Variants in SCN1A observed in about 807,000 individuals in gnomAD.
SCN1A encodes sodium channel protein type 1 subunit alpha.
SCN1A carries 13 observed loss-of-function variants against 193.7 expected under a neutral mutation model. That is an observed-to-expected ratio of 0.07 (90% CI 0.04 to 0.11). The LOEUF (loss-of-function observed/expected upper bound fraction) is 0.11. Among genes scored for constraint, SCN1A ranks in the 10% least tolerant of loss-of-function variants. The probability of loss-of-function intolerance (pLI) is 1.00; values close to 1 mark genes in which losing one functional copy is unlikely to be tolerated. For synonymous variants in SCN1A, 781 were observed against 843.6 expected (o/e 0.93, Z 1.29); for missense variants, 1,432 against 2,451.1 (o/e 0.58, Z 8.78).
chr2:166,066,950 C>G (rs1683907087), intron 4 of SCN1A, among the ~76,000 whole-genome samples: 1 of 152,148 alleles, frequency 6.6e-6, no homozygotes, highest in Non-Finnish European at 1.5e-5. Flanking sequence ...CCCAACCTCA[C>G]CTTATTCTCT....
chr2:166,027,558 C>A (rs917396423), intron 19 of SCN1A, among the ~76,000 whole-genome samples: 16 of 150,978 alleles, frequency 1.1e-4, no homozygotes, highest in Admixed American at 6.0e-4. Context: ...TGTGGTCATG[C>A]GATGTCTATA....
In SCN1A at chr2:166,036,227, T is replaced by C; in HGVS notation, c.3250A>G (p.Ser1084Gly). ...ACACTGCTGCCAGTTCCTATACCAC[T>C]TGTAGTTCCATTTACATCTTTAAGA... is the stretch of plus-strand genomic sequence containing the variant. ...DYLKDVNGTT[S>G]GIGTGSSVEK... The change falls in exon 19 of 29, where the codon AGT (serine) becomes GGT (glycine). Residue 1084 changes from serine (S) to glycine (G), a missense_variant. By Grantham distance (56) the Ser-to-Gly change is moderately conservative. This residue lies in a region of SCN1A where 198 missense variants were observed against 225.8 expected (regional missense o/e 0.88). Coordinates refer to ENST00000674923, the MANE Select transcript of SCN1A (RefSeq NM_001165963.4). 2 of 1,613,982 alleles carry C rather than the reference T, an allele frequency of 1.2e-6. No individual in the cohort carries two copies. The highest frequency in any genetic ancestry group is 1.7e-6 in the Non-Finnish European group (2 of 1,179,902).
chr2:166,092,192 T>C (rs1264783703), intron 2 of SCN1A, among the ~76,000 whole-genome samples: 2 of 152,148 alleles, frequency 1.3e-5, no homozygotes, highest in South Asian at 2.1e-4. Flanking sequence ...ATATAGACCA[T>C]TGCATTCATA....
chr2:166,014,075 C>T (rs1692925941), intron 20 of SCN1A, among the ~76,000 whole-genome samples, 177 bp from the exon 21 acceptor site: 1 of 151,702 alleles, frequency 6.6e-6, no homozygotes. Flanking sequence ...TGGAAACATT[C>T]AGCCACTTTA....
rs188932720 is a variant in SCN1A, at chr2:166,014,304, A to C, written c.3551-406T>G. Among the ~76,000 whole-genome samples, 730 of 151,826 alleles carry C rather than the reference A, an allele frequency of 4.8e-3. 5 individuals carry two copies. Among genetic ancestry groups the C allele is most frequent in the Non-Finnish European group, 5.9e-3 (397 of 67,744 alleles). ...TATAAAGGATATAGAGTAAAAATGT[A>C]GATCTCTTCCAACAATGCTGCATTT... On this transcript the variant is annotated intron_variant, in intron 20 of 28. Coordinates refer to ENST00000674923, the MANE Select transcript of SCN1A (RefSeq NM_001165963.4).
rs184165443 is a variant in SCN1A at position 166,072,984 on chromosome 2, C to T, written c.264+374G>A. Among the ~76,000 whole-genome samples, 152 of 151,968 alleles carry T rather than the reference C, an allele frequency of 1.0e-3. 4 individuals carry two copies. The highest frequency in any genetic ancestry group is 3.0e-3 in the African/African-American group (126 of 41,464). On this transcript the variant is annotated intron_variant, in intron 4 of 28. Coordinates refer to ENST00000674923, the MANE Select transcript of SCN1A (RefSeq NM_001165963.4). ...CCTCCTGAGTGACTGGGACTACATG[C>T]GTGTGCCACCACGCCCAGCAAATTT...
chr2:166,126,847 C>T (rs924088572), intron 2 of SCN1A, 77 bp downstream of exon 2: 2 of 152,208 alleles, frequency 1.3e-5, no homozygotes, highest in African/African-American at 2.4e-5. Context: ...TGTTAACAAT[C>T]ACCAGTGAGT....
At chr2:166,120,298 C>T (rs1690396662) in intron 2 of SCN1A, among the ~76,000 whole-genome samples, 2 of 150,778 alleles carry the variant, frequency 1.3e-5, no homozygotes, top group South Asian at 4.2e-4. Flanking sequence ...AAGAAGAAAA[C>T]AGAAATCCTA....
rs794726697 is a variant in SCN1A at position 166,038,129 on chromosome 2, G to T, written c.2593C>A (p.Arg865=). The change falls in exon 18 of 29, where the codon CGA becomes AGA. Residue 865 remains arginine (R), a synonymous_variant. Transcript: ENST00000674923. ...CAAGATTTTGCCAACTTGAAAACTC[G>T]CAGCTGGAAAATGAAAGATTAATAT... ...LSVLRSFRLL[R]VFKLAKSWPT... is the part of the protein sequence containing the mutation. 1.2e-6 allele frequency: 2 copies of T among 1,606,884 alleles called. No homozygotes were observed. The highest frequency in any genetic ancestry group is 1.3e-5 in the African/African-American group (1 of 74,452).
At chr2:166,062,365 T>C (rs1683399366) in intron 4 of SCN1A, among the ~76,000 whole-genome samples, 1 of 152,180 alleles carries the variant, frequency 6.6e-6, no homozygotes, top group Admixed American at 6.5e-5. Flanking sequence ...ATGTCAGTCT[T>C]ATTATATGTA....
In SCN1A at chr2:166,077,728, G is replaced by A. The variant is rs187753524; in HGVS notation, c.-68C>T. On this transcript the variant is annotated 5_prime_UTR_variant, in exon 3 of 29. Transcript: ENST00000674923. ...TGCATACCTTAGGATTTAACCAAAG[G>A]AGTTGAAAACTTATGTCCACACAAA... 502 of 152,520 alleles carry A rather than the reference G, an allele frequency of 3.3e-3. 3 individuals are homozygous for A. The highest frequency in any genetic ancestry group is 5.1e-3 in the Non-Finnish European group (350 of 68,252). The allele number at this position is 152,520 out of a possible 1,614,324, so 9.4% of individuals were successfully genotyped here.
At chr2:166,044,838 G>C (rs1444905062) in intron 13 of SCN1A, among the ~76,000 whole-genome samples, 4 of 152,094 alleles carry the variant, frequency 2.6e-5, no homozygotes, top group Non-Finnish European at 5.9e-5. Context: ...TCAACTTGGT[G>C]TTATCTTAAC....
chr2:166,090,869 T>G (rs1046234870), intron 2 of SCN1A, among the ~76,000 whole-genome samples: 6 of 152,240 alleles, frequency 3.9e-5, no homozygotes, highest in African/African-American at 1.4e-4. Flanking sequence ...TTGTTAATCC[T>G]AATCAAATAG....
intron 19 of SCN1A, among the ~76,000 whole-genome samples, chr2:166,018,597 T>C (rs1427069866): frequency 6.6e-6 from 1 of 152,122 alleles, no homozygotes; most frequent in East Asian, 1.9e-4. Context: ...CTGATGTTTT[T>C]TCATTAGAGT....
chr2:166,073,156 T>G (rs1449692635), intron 4 of SCN1A: 1 of 622,236 alleles, frequency 1.6e-6, no homozygotes, highest in Non-Finnish European at 2.7e-6. Context: ...TTTGTCATGG[T>G]GCATTTGGGA....
At chr2:166,120,081 C>T (rs913395355) in intron 2 of SCN1A, among the ~76,000 whole-genome samples, 23 of 151,034 alleles carry the variant, frequency 1.5e-4, no homozygotes, top group Non-Finnish European at 2.7e-4. Context: ...ATTTATATTT[C>T]CCTTTTGCTT....
At chr2:166,074,930 A>G (rs1684843460) in intron 3 of SCN1A, among the ~76,000 whole-genome samples, 1 of 152,140 alleles carries the variant, frequency 6.6e-6, no homozygotes. Context: ...TCAAGTTTAA[A>G]TTTGTACCCT....
At chr2:166,134,836 A>C in intron 1 of SCN1A, among the ~76,000 whole-genome samples, 1 of 152,292 alleles carries the variant, frequency 6.6e-6, no homozygotes. Context: ...CCCTCCTTTA[A>C]ATGTATCAAG....
chr2:166,142,036 TATGA>T (rs1692109079), intron 1 of SCN1A, among the ~76,000 whole-genome samples: 1 of 152,182 alleles, frequency 6.6e-6, no homozygotes, highest in South Asian at 2.1e-4. Context: ...CTGAGGCATT[TATGA>T]GTAGACACAA....
Sources: allele counts gnomAD v4.1 joint callset (sites outside exome capture counted in the v4.1 genomes callset), GRCh38; gene constraint gnomAD v4.1.1; regional missense constraint gnomAD v4.1.1; transcripts MANE v1.5; gene names NCBI Gene and HGNC (gene_info 2026-07-23, HGNC 2026-07-21).